VRTN: variants seen among roughly 807,000 people sequenced by gnomAD.
VRTN encodes the protein vertnin.
VRTN carries 5 observed loss-of-function variants against 18.2 expected under a neutral mutation model. The ratio of observed to expected loss-of-function variants is 0.27; its 90% CI spans 0.14 to 0.58. VRTN has a LOEUF of 0.58. Among genes scored for constraint, VRTN ranks in the 20% least tolerant of loss-of-function variants. The pLI is 0.91. For missense variants in VRTN, 741 were observed against 939.4 expected (o/e 0.79, Z 2.76); for synonymous variants, 381 against 393.7 (o/e 0.97, Z 0.38).
At chr14:74,335,866 G>A (rs186464774) in intron 1 of VRTN, among the ~76,000 whole-genome samples, 3 of 150,766 alleles carry the variant, frequency 2.0e-5, no homozygotes, top group South Asian at 2.1e-4. Flanking sequence ...TCAGCCTCCC[G>A]AATAGCTGGG....
chr14:74,346,481 A>G (rs1319143843), upstream of VRTN, among the ~76,000 whole-genome samples: 31 of 152,010 alleles, frequency 2.0e-4, no homozygotes, highest in Admixed American at 2.0e-3. Context: ...CAGTGCCATC[A>G]TAGCTCACTG....
intron 1 of VRTN, among the ~76,000 whole-genome samples, chr14:74,316,842 T>G (rs1016921525): frequency 1.2e-4 from 18 of 152,008 alleles, no homozygotes; most frequent in African/African-American, 4.1e-4. Context: ...TTTCACTGTG[T>G]TAGCCAGGAT....
At chr14:74,310,621 T>C (rs1381278574) in intron 1 of VRTN, among the ~76,000 whole-genome samples, 1 of 142,026 alleles carries the variant, frequency 7.0e-6, no homozygotes, top group East Asian at 2.3e-4. Context: ...CACTGCAGCC[T>C]CCGCCTCCTG....
At position 74,358,371 on chromosome 14, in the gene VRTN, C is replaced by T. The variant is rs752986950; in HGVS notation, c.1588C>T (p.Arg530Cys). 4 of 1,613,866 alleles carry T rather than the reference C, an allele frequency of 2.5e-6. No homozygotes were observed. Among genetic ancestry groups the T allele is most frequent in the African/African-American group, 1.3e-5 (1 of 75,080 alleles). ...TGGGCATCTCCCTTTCTGCCGCTTC[C>T]GCCTCCGCTACCCCAGCCTGTCACC... is the stretch of plus-strand genomic sequence containing the variant. ...LSGHLPFCRFRLRYPSLSPSA... is the reference protein window; with the variant it reads ...LSGHLPFCRFCLRYPSLSPSA... The change falls in exon 2 of 2, where the codon CGC becomes TGC. Residue 530 changes from arginine to cysteine, a missense_variant. Arg to Cys is a radical substitution (Grantham distance 180, BLOSUM62 -3). Around this residue, in one of 3 missense-constraint regions of VRTN, gnomAD observed 494 missense variants for 546.5 expected, o/e 0.90. Transcript: ENST00000256362. The surrounding 1 kb of genome is among the most constrained non-coding windows in gnomAD (Gnocchi z 5.4).
At chr14:74,342,929 C>T (rs1263144356) in intron 2 of VRTN, among the ~76,000 whole-genome samples, 1 of 151,950 alleles carries the variant, frequency 6.6e-6, no homozygotes, top group African/African-American at 2.4e-5. Flanking sequence ...AAGGCTCTTA[C>T]ATATATGAAA....
chr14:74,355,034 C>T (rs1361429366), intron 1 of VRTN, among the ~76,000 whole-genome samples: 8 of 150,856 alleles, frequency 5.3e-5, no homozygotes, highest in South Asian at 2.1e-4. Flanking sequence ...CCCAGCTACT[C>T]GGGTGGCTGA....
chr14:74,341,604 C>T (rs780147796), intron 2 of VRTN, among the ~76,000 whole-genome samples: 2 of 152,324 alleles, frequency 1.3e-5, no homozygotes, highest in Non-Finnish European at 2.9e-5. Flanking sequence ...CTGCAACCTT[C>T]GCTTCCTGGG....
In VRTN at chr14:74,357,646, G is replaced by A. The variant is rs914876377; in HGVS notation, c.863G>A (p.Arg288His). The A allele has an allele frequency of 2.5e-6, 4 of 1,613,892 alleles. No individual in the cohort carries two copies. The highest frequency in any genetic ancestry group is 1.6e-4 in the Middle Eastern group (1 of 6,062). ...PGLSYSHLCE[R>H]YSVTKSTFYR... is the part of the protein sequence containing the mutation. ...CTCAGCTACTCTCACCTCTGTGAGC[G>A]CTACAGCGTCACCAAAAGCACCTTC... Residue 288 changes from arginine (R) to histidine (H), a missense_variant, in exon 2 of 2, where the codon CGC (arginine) becomes CAC (histidine). Transcript: ENST00000256362. The surrounding 1 kb of genome is among the most constrained non-coding windows in gnomAD (Gnocchi z 7.8).
At chr14:74,335,312 G>A (rs764305232) in intron 1 of VRTN, among the ~76,000 whole-genome samples, 37 of 152,166 alleles carry the variant, frequency 2.4e-4, no homozygotes, top group Non-Finnish European at 4.4e-4. Flanking sequence ...GGGAAGCCAT[G>A]TAGCAGACAC....
chr14:74,310,533 G>GT (rs71449187), intron 1 of VRTN, among the ~76,000 whole-genome samples: 40,554 of 124,004 alleles, frequency 0.33, 6,896 homozygotes, highest in Middle Eastern at 0.53. Context: ...TGCTGCCTCT[G>GT]TTTTTTTTTT....
intron 1 of VRTN, among the ~76,000 whole-genome samples, chr14:74,313,817 C>G (rs187554445): frequency 6.6e-6 from 1 of 152,154 alleles, no homozygotes; most frequent in East Asian, 1.9e-4. Context: ...CTCATTGCTA[C>G]AAAACAAAAA....
rs559401849 is a variant in VRTN, at chr14:74,353,220, C to A, written c.-1-3563C>A. ...AGGAGAATCGCTTGAACCCTGGGGG[C>A]GGAGGTTGTAGTGAGCAAAGAATGA... On this transcript the variant is annotated intron_variant, in intron 1 of 1. Coordinates refer to ENST00000256362, the MANE Select transcript of VRTN (RefSeq NM_018228.3). 2.0e-5 allele frequency among the ~76,000 whole-genome samples: 3 copies of A among 151,806 alleles called. 1 individual carries two copies.
At chr14:74,312,081 A>T (rs1238726991) in intron 1 of VRTN, among the ~76,000 whole-genome samples, 2 of 152,148 alleles carry the variant, frequency 1.3e-5, no homozygotes, top group Admixed American at 1.3e-4. Flanking sequence ...GCATACACAG[A>T]TTTAAGTAAT....
At chr14:74,349,076 C>G (rs2085665438) in intron 1 of VRTN, among the ~76,000 whole-genome samples, 1 of 152,212 alleles carries the variant, frequency 6.6e-6, no homozygotes, top group Admixed American at 6.5e-5. Flanking sequence ...GCTGCTTCCC[C>G]TTGTGGGCTG....
intron 1 of VRTN, among the ~76,000 whole-genome samples, chr14:74,321,784 G>A (rs2085457429): frequency 1.3e-5 from 2 of 151,794 alleles, no homozygotes; most frequent in South Asian, 2.1e-4. Flanking sequence ...GATTACAGGC[G>A]TGAGCCACCG....
chr14:74,338,886 G>A (rs573312879), intron 2 of VRTN, among the ~76,000 whole-genome samples: 3 of 152,136 alleles, frequency 2.0e-5, no homozygotes, highest in South Asian at 2.1e-4. Flanking sequence ...CACCATGCCC[G>A]GCTAATTTTT....
chr14:74,357,233 C>A lies in VRTN; in HGVS notation c.450C>A (p.Pro150=). ...EESPEMTSLP[P]ATLEAIFDAD... is the part of the protein sequence containing the mutation. ...CCCCTGAGATGACCAGCTTGCCCCC[C>A]GCCACGCTGGAGGCCATCTTCGATG... Residue 150 remains proline, a synonymous_variant, in exon 2 of 2, where the codon CCC becomes CCA. Transcript: ENST00000256362. The surrounding 1 kb of genome is among the most constrained non-coding windows in gnomAD (Gnocchi z 7.8). 6.2e-7 allele frequency: 1 copy of A among 1,613,216 alleles called. No homozygotes were observed. The highest frequency in any genetic ancestry group is 8.5e-7 in the Non-Finnish European group (1 of 1,179,858).
chr14:74,303,913 G>A (rs1240636869), intron 1 of VRTN, among the ~76,000 whole-genome samples: 1 of 144,974 alleles, frequency 6.9e-6, no homozygotes, highest in Non-Finnish European at 1.5e-5. Flanking sequence ...GTGCAATGGC[G>A]CGATATCGGC....
At position 74,357,300 on chromosome 14, in the gene VRTN, G is replaced by A. The variant is rs199548722; in HGVS notation, c.517G>A (p.Val173Met). The change falls in exon 2 of 2, where the codon GTG becomes ATG. Residue 173 changes from valine (V) to methionine (M), a missense_variant. By Grantham distance (21) the Val-to-Met change is conservative (BLOSUM62 1). This residue lies in a region of VRTN where 186 missense variants were observed against 288.3 expected (regional missense o/e 0.65). Coordinates refer to ENST00000256362, the MANE Select transcript of VRTN (RefSeq NM_018228.3). The surrounding 1 kb of genome is among the most constrained non-coding windows in gnomAD (Gnocchi z 7.8). The stretch of plus-strand genomic sequence containing the variant: ...CTGTTTCCCCAGCAGCTTCTCCAAC[G>A]TGTGGCACTTGTATGCTCTCGCCTC... ...ASCFPSSFSN[V>M]WHLYALASVL... The A allele has an allele frequency of 1.3e-5, 21 of 1,613,088 alleles. No individual in the cohort carries two copies. The highest frequency in any genetic ancestry group is 1.7e-5 in the Non-Finnish European group (20 of 1,179,180).
Sources: allele counts gnomAD v4.1 joint callset (sites outside exome capture counted in the v4.1 genomes callset), GRCh38; gene constraint gnomAD v4.1.1; regional missense constraint gnomAD v4.1.1; non-coding constraint Gnocchi (gnomAD v3.1); transcripts MANE v1.5; gene names NCBI Gene and HGNC (gene_info 2026-07-23, HGNC 2026-07-21).